The following RAMP1 variants were observed in gnomAD, a reference collection of about 807,000 sequenced individuals.
RAMP1 encodes receptor activity-modifying protein 1.
In RAMP1, 7 loss-of-function variants were observed where a neutral mutation model predicts 8.2. The observed-to-expected ratio is 0.85, with a 90% CI of 0.49 to 1.60. The LOEUF (loss-of-function observed/expected upper bound fraction) is 1.60. Ranked by LOEUF, RAMP1 falls within the 40% of genes most tolerant of loss-of-function variation. The probability of loss-of-function intolerance (pLI) is 0.00; values close to 1 mark genes in which losing one functional copy is unlikely to be tolerated. For missense variants in RAMP1, 192 were observed against 202.4 expected (o/e 0.95, Z 0.31); for synonymous variants, 92 against 84.7 (o/e 1.09, Z -0.47).
At chr2:237,860,691 C>T (rs977385440) in intron 1 of RAMP1, among the ~76,000 whole-genome samples, 2 of 149,410 alleles carry the variant, frequency 1.3e-5, no homozygotes, top group South Asian at 4.3e-4. Context: ...GTATGTGTGG[C>T]CTTTCCCCGG....
At chr2:237,905,323 C>G (rs550818026) in intron 2 of RAMP1, among the ~76,000 whole-genome samples, 1 of 152,216 alleles carries the variant, frequency 6.6e-6, no homozygotes, top group East Asian at 1.9e-4. Flanking sequence ...AAAGTTTCAG[C>G]TGTCACTTCT....
In RAMP1 at chr2:237,878,077, G is replaced by A; in HGVS notation, c.191+715G>A. ...TCAAGTCCTTGTTTCTGCCTCCGTG[G>A]GAGGCGCTGGGGTGTCCTGGGGCTG... On this transcript the variant is annotated intron_variant, in intron 2 of 2. Transcript: ENST00000254661. This position sits in a 1 kb window ranked among gnomAD's most constrained non-coding sequence, Gnocchi z 5.7. 10 of 985,474 alleles carry A rather than the reference G, an allele frequency of 1.0e-5. No homozygotes were observed. Among genetic ancestry groups the A allele is most frequent in the Non-Finnish European group, 1.2e-5 (10 of 829,932 alleles). The allele number at this position is 985,474 out of a possible 1,614,324, so 61.0% of individuals were successfully genotyped here.
At position 237,862,562 on chromosome 2, in the gene RAMP1, T is replaced by C. The variant is rs1405995160; in HGVS notation, c.52+2835T>C. Reference sequence around the variant, plus strand: ...TTTTCCCCAGAATGCGCCCATTTCATAGCTTCTAATCAGTTACAACTGGCG... The same window carrying C: ...TTTTCCCCAGAATGCGCCCATTTCACAGCTTCTAATCAGTTACAACTGGCG... On this transcript the variant is annotated intron_variant, in intron 1 of 2. Coordinates refer to ENST00000254661, the MANE Select transcript of RAMP1 (RefSeq NM_005855.4). The surrounding 1 kb of genome is among the most constrained non-coding windows in gnomAD (Gnocchi z 4.0). 2.0e-5 allele frequency among the ~76,000 whole-genome samples: 3 copies of C among 152,242 alleles called. No homozygotes were observed. The highest frequency in any genetic ancestry group is 2.0e-4 in the Admixed American group (3 of 15,284).
chr2:237,909,834 G>A (rs1442369707), intron 2 of RAMP1, among the ~76,000 whole-genome samples: 2 of 152,122 alleles, frequency 1.3e-5, no homozygotes, highest in East Asian at 3.8e-4. Flanking sequence ...AGAGCCCTGG[G>A]GAGCAGAGTC....
At chr2:237,910,034 T>C (rs549178579) in intron 2 of RAMP1, among the ~76,000 whole-genome samples, 6 of 152,240 alleles carry the variant, frequency 3.9e-5, no homozygotes, top group African/African-American at 9.6e-5. Flanking sequence ...ACTCCCTTCC[T>C]TCTAGCCTGG....
At chr2:237,883,987 C>T (rs1027179339) in intron 2 of RAMP1, among the ~76,000 whole-genome samples, 7 of 148,598 alleles carry the variant, frequency 4.7e-5, no homozygotes, top group Non-Finnish European at 8.9e-5. Flanking sequence ...CTTGGCTGCC[C>T]GGCATGGATC....
chr2:237,905,574 C>T (rs1322944192), intron 2 of RAMP1, among the ~76,000 whole-genome samples: 1 of 152,210 alleles, frequency 6.6e-6, no homozygotes, highest in Non-Finnish European at 1.5e-5. Context: ...GCAATAGCTC[C>T]TCCTAAAAAT....
intron 2 of RAMP1, among the ~76,000 whole-genome samples, chr2:237,902,481 A>G (rs750597119): frequency 5.3e-5 from 8 of 150,926 alleles, no homozygotes; most frequent in Non-Finnish European, 8.8e-5. Flanking sequence ...GGTGGGGGGA[A>G]CACAGCGAGG....
At chr2:237,910,594 AAC>A (rs1319192684) in intron 2 of RAMP1, among the ~76,000 whole-genome samples, 1 of 147,416 alleles carries the variant, frequency 6.8e-6, no homozygotes, top group Non-Finnish European at 1.5e-5. Context: ...CACACAGAAT[AAC>A]ACAGTCACAC....
At position 237,875,818 on chromosome 2, in the gene RAMP1, G is replaced by A. The variant is rs2062297404; in HGVS notation, c.53-1406G>A. ...CACACCAGCCATTGGGCCTGGAGTG[G>A]TGCTCTGCAACAGCACCCCCACCCC... On this transcript the variant is annotated intron_variant, in intron 1 of 2. Coordinates refer to ENST00000254661, the MANE Select transcript of RAMP1 (RefSeq NM_005855.4). Among the ~76,000 whole-genome samples, 3 of 152,112 alleles carry A rather than the reference G, an allele frequency of 2.0e-5. No individual in the cohort carries two copies. In the South Asian group the frequency reaches 6.2e-4, roughly 31 times the overall value.
Position 237,865,578 on chromosome 2 carries a change from A to G in RAMP1, c.52+5851A>G, listed in dbSNP as rs2062179412. Among the ~76,000 whole-genome samples, 3 of 152,170 alleles carry G rather than the reference A, an allele frequency of 2.0e-5. No individual in the cohort carries two copies. The highest frequency in any genetic ancestry group is 2.0e-4 in the Admixed American group (3 of 15,284). ...TGGCAGCCCCGTCCTCAGCAGCCAC[A>G]TGGGGTTCAGCGTTCCCCTTGGATT... On this transcript the variant is annotated intron_variant, in intron 1 of 2. Transcript: ENST00000254661. This position sits in a 1 kb window ranked among gnomAD's most constrained non-coding sequence, Gnocchi z 4.2.
chr2:237,911,066 G>A (rs1306414202), intron 2 of RAMP1, among the ~76,000 whole-genome samples: 1 of 150,716 alleles, frequency 6.6e-6, no homozygotes, highest in Non-Finnish European at 1.5e-5. Context: ...ACACACAGTC[G>A]CACACAGAAT....
chr2:237,911,981 G>T lies in RAMP1; in HGVS notation c.*198G>T. On this transcript the variant is annotated 3_prime_UTR_variant, in exon 3 of 3. Coordinates refer to ENST00000254661, the MANE Select transcript of RAMP1 (RefSeq NM_005855.4). ...GAAGCCCCCCTGGCTGGAGGCCACC[G>T]CCACCCTAGGAAGGGGGCAGGGACG... is the stretch of plus-strand genomic sequence containing the variant. 1 of 886,706 alleles carries T rather than the reference G, an allele frequency of 1.1e-6. No homozygotes were observed. The highest frequency in any genetic ancestry group is 1.8e-5 in the South Asian group (1 of 55,222). 54.9% of individuals were successfully genotyped at this position (886,706 alleles called of 1,614,324 possible).
chr2:237,902,038 CAT>C (rs1177548572), intron 2 of RAMP1, among the ~76,000 whole-genome samples: 6 of 152,224 alleles, frequency 3.9e-5, no homozygotes, highest in Non-Finnish European at 7.4e-5. Context: ...CCCTGAGTCA[CAT>C]GTGTTCACAG....
At chr2:237,902,585 C>T (rs1461230095) in intron 2 of RAMP1, among the ~76,000 whole-genome samples, 1 of 152,058 alleles carries the variant, frequency 6.6e-6, no homozygotes, top group Non-Finnish European at 1.5e-5. Context: ...TCCCGCGGGG[C>T]CCCCAGTTCC....
At chr2:237,902,113 C>G (rs1292822766) in intron 2 of RAMP1, among the ~76,000 whole-genome samples, 2 of 151,882 alleles carry the variant, frequency 1.3e-5, no homozygotes, top group African/African-American at 2.4e-5. Context: ...CAGGTGCAGC[C>G]CAAGGCCGAG....
intron 1 of RAMP1, among the ~76,000 whole-genome samples, chr2:237,873,183 T>C (rs1258249865): frequency 6.6e-6 from 1 of 152,260 alleles, no homozygotes; most frequent in African/African-American, 2.4e-5. Flanking sequence ...CTGCACTCTC[T>C]GTTTAGCCAC....
In RAMP1 at chr2:237,876,887, C is replaced by A. The variant is rs575000672; in HGVS notation, c.53-337C>A. Among the ~76,000 whole-genome samples, 225 of 152,296 alleles carry A rather than the reference C, an allele frequency of 1.5e-3. 1 individual carries two copies. The highest frequency in any genetic ancestry group is 2.9e-3 in the Non-Finnish European group (198 of 68,026). ...CCCAGCCCAGCCCATCCCCAGGTAC[C>A]CGTGGAACAGGGGCAGCCAGAGACT... On this transcript the variant is annotated intron_variant, in intron 1 of 2. Coordinates refer to ENST00000254661, the MANE Select transcript of RAMP1 (RefSeq NM_005855.4).
chr2:237,883,349 G>A (rs1023555998), intron 2 of RAMP1, among the ~76,000 whole-genome samples: 3 of 152,160 alleles, frequency 2.0e-5, no homozygotes, highest in African/African-American at 4.8e-5. Flanking sequence ...AAAGGCGGCC[G>A]GCCAGCCTTT....
Sources: allele counts gnomAD v4.1 joint callset (sites outside exome capture counted in the v4.1 genomes callset), GRCh38; gene constraint gnomAD v4.1.1; non-coding constraint Gnocchi (gnomAD v3.1); transcripts MANE v1.5; gene names NCBI Gene and HGNC (gene_info 2026-07-23, HGNC 2026-07-21).